Variants in PTPRK observed in about 807,000 individuals in gnomAD.
PTPRK encodes the protein receptor-type tyrosine-protein phosphatase kappa.
Under a neutral mutation model 178.0 loss-of-function variants are expected in PTPRK, and 75 were observed. The ratio of observed to expected loss-of-function variants is 0.42; its 90% CI spans 0.35 to 0.51. PTPRK has a LOEUF of 0.51. Ranked by LOEUF, PTPRK falls within the 20% of genes least tolerant of loss-of-function variation. PTPRK has a pLI of 0.02. For missense variants in PTPRK, 1,441 were observed against 1,797.8 expected (o/e 0.80, Z 3.59); for synonymous variants, 637 against 620.6 (o/e 1.03, Z -0.39).
intron 1 of PTPRK, among the ~76,000 whole-genome samples, chr6:128,422,544 T>G: frequency 6.6e-6 from 1 of 152,016 alleles, no homozygotes; most frequent in Non-Finnish European, 1.5e-5. Context: ...CAATATATTC[T>G]TTTTTTCCCT....
At chr6:128,472,546 G>A (rs1472467588) in intron 1 of PTPRK, 3 of 157,190 alleles carry the variant, frequency 1.9e-5, no homozygotes, top group African/African-American at 7.3e-5. Flanking sequence ...CCTTACCCAA[G>A]TTCACCAATT....
chr6:128,358,359 CATGGGTCA>C (rs1466088761), intron 2 of PTPRK, among the ~76,000 whole-genome samples: 1 of 152,186 alleles, frequency 6.6e-6, no homozygotes, highest in Admixed American at 6.5e-5. Context: ...TTCAGTTCAC[CATGGGTCA>C]TGGGGTTTGT....
chr6:128,116,978 C>G (rs971179691), intron 7 of PTPRK, among the ~76,000 whole-genome samples: 15 of 152,020 alleles, frequency 9.9e-5, no homozygotes, highest in Non-Finnish European at 1.5e-4. Context: ...AACCCTGTCT[C>G]TACTAAAAAT....
At chr6:128,424,943 T>G (rs1843932436) in intron 1 of PTPRK, among the ~76,000 whole-genome samples, 1 of 152,060 alleles carries the variant, frequency 6.6e-6, no homozygotes, top group Non-Finnish European at 1.5e-5. Context: ...CTTTCCTTTT[T>G]TTCTTTTTTT....
intron 2 of PTPRK, among the ~76,000 whole-genome samples, chr6:128,387,059 C>T (rs988837948): frequency 6.6e-6 from 1 of 152,112 alleles, no homozygotes; most frequent in Non-Finnish European, 1.5e-5. Flanking sequence ...CACAGCGAGA[C>T]TCTGTCTAAA....
intron 1 of PTPRK, among the ~76,000 whole-genome samples, chr6:128,464,645 A>ATATATATATGTATATT: frequency 1.1e-5 from 1 of 86,990 alleles, no homozygotes; most frequent in East Asian, 2.7e-4. Context: ...ACACATATAT[A>ATATATATATGTATATT]TATATATATA....
intron 7 of PTPRK, among the ~76,000 whole-genome samples, chr6:128,112,480 A>G (rs574517177): frequency 6.6e-6 from 1 of 152,244 alleles, no homozygotes; most frequent in East Asian, 1.9e-4. Flanking sequence ...ACAATTTAGT[A>G]AATTACAATG....
chr6:128,121,937 A>C (rs1583102867), intron 7 of PTPRK, among the ~76,000 whole-genome samples: 1 of 152,232 alleles, frequency 6.6e-6, no homozygotes, highest in Non-Finnish European at 1.5e-5. Flanking sequence ...GACCATCGTT[A>C]ACCATGTTTC....
chr6:128,516,080 GTTC>G (rs781657081), intron 1 of PTPRK, among the ~76,000 whole-genome samples: 1 of 152,104 alleles, frequency 6.6e-6, no homozygotes, highest in Non-Finnish European at 1.5e-5. Flanking sequence ...CATATTTCCA[GTTC>G]TTAAGGACAT....
chr6:128,212,474 T>C (rs1562800143), intron 6 of PTPRK, among the ~76,000 whole-genome samples: 1 of 152,010 alleles, frequency 6.6e-6, no homozygotes, highest in Non-Finnish European at 1.5e-5. Context: ...TCGGGCCATG[T>C]AGTAGATAGG....
At chr6:128,211,923 C>A (rs977003492) in intron 6 of PTPRK, among the ~76,000 whole-genome samples, 1 of 151,956 alleles carries the variant, frequency 6.6e-6, no homozygotes, top group Middle Eastern at 3.2e-3. Flanking sequence ...TGATTTATCT[C>A]CCTGCCCTCA....
At chr6:128,103,674 T>TC (rs1430338869) in intron 7 of PTPRK, among the ~76,000 whole-genome samples, 1 of 152,138 alleles carries the variant, frequency 6.6e-6, no homozygotes, top group Admixed American at 6.5e-5. Flanking sequence ...ATTCTTTTTT[T>TC]CCCCCTGCAT....
At chr6:128,488,457 C>T (rs773110391) in intron 1 of PTPRK, among the ~76,000 whole-genome samples, 1 of 152,174 alleles carries the variant, frequency 6.6e-6, no homozygotes, top group Non-Finnish European at 1.5e-5. Context: ...TTAACCATCA[C>T]AATTCCCAAA....
rs1362496997 is a variant in PTPRK at position 127,969,476 on chromosome 6, A to C, written c.*751T>G. ...AAAGTTTATCTTCTACTTACACTAA[A>C]ACATACAAAAAATAATCTACAAAAA... On this transcript the variant is annotated 3_prime_UTR_variant, in exon 30 of 30. Coordinates refer to ENST00000368226, the MANE Select transcript of PTPRK (RefSeq NM_002844.4). 1 of 152,198 alleles carries C rather than the reference A, an allele frequency of 6.6e-6. No individual in the cohort carries two copies. Among genetic ancestry groups the C allele is most frequent in the African/African-American group, 2.4e-5 (1 of 41,460 alleles). 9.4% of individuals were successfully genotyped at this position (152,198 alleles called of 1,614,324 possible).
rs559972364 is a variant in PTPRK at position 128,189,955 on chromosome 6, C to T, written c.869-5230G>A. Among the ~76,000 whole-genome samples the T allele has an allele frequency of 7.2e-5, 11 of 152,128 alleles. No homozygotes were observed. The South Asian group carries it at 2.3e-3, about 32-fold the overall frequency. ...AATTTTAAATGATTTTAAATTATGT[C>T]AACAAGTTGGTAACATAATTTAATA... On this transcript the variant is annotated intron_variant, in intron 6 of 29. Transcript: ENST00000368226.
chr6:128,457,157 G>A (rs1848500451), intron 1 of PTPRK, among the ~76,000 whole-genome samples: 1 of 151,998 alleles, frequency 6.6e-6, no homozygotes. Flanking sequence ...AAAATATGAG[G>A]TAATATTCAA....
At position 128,053,397 on chromosome 6, in the gene PTPRK, C is replaced by A. The variant is rs186409705; in HGVS notation, c.2194+11361G>T. Among the ~76,000 whole-genome samples the A allele has an allele frequency of 5.9e-5, 9 of 152,174 alleles. No homozygotes were observed. The East Asian group carries it at 1.7e-3, about 29-fold the overall frequency. ...TAAGGCTCTGACATGCTGTATGGGC[C>A]ACCCTCTTGCGTGGACACCCTCTTA... On this transcript the variant is annotated intron_variant, in intron 13 of 29. Transcript: ENST00000368226.
chr6:128,208,965 C>A (rs567214721), intron 6 of PTPRK, among the ~76,000 whole-genome samples: 1 of 152,208 alleles, frequency 6.6e-6, no homozygotes, highest in South Asian at 2.1e-4. Flanking sequence ...TATCCAATAT[C>A]CCAAACAAAA....
At chr6:128,394,708 G>C (rs887392623) in intron 2 of PTPRK, among the ~76,000 whole-genome samples, 3 of 152,156 alleles carry the variant, frequency 2.0e-5, no homozygotes, top group African/African-American at 7.2e-5. Flanking sequence ...ATGTGGAACT[G>C]TGTAGTAAGT....
Sources: gnomAD v4.1 joint callset for allele counts (sites outside exome capture counted in the v4.1 genomes callset) on GRCh38, gnomAD v4.1.1 for gene constraint, MANE v1.5 for transcripts, NCBI Gene and HGNC (gene_info 2026-07-23, HGNC 2026-07-21) for gene names.